GRM7: variants seen among roughly 807,000 people sequenced by gnomAD.
GRM7 encodes glutamate metabotropic receptor 7.
A neutral mutation model predicts 84.5 loss-of-function variants in GRM7; 35 were observed. The observed-to-expected ratio is 0.41, with a 90% CI of 0.32 to 0.55. The LOEUF (loss-of-function observed/expected upper bound fraction) is 0.55. Among genes scored for constraint, GRM7 ranks in the 20% least tolerant of loss-of-function variants. GRM7 has a pLI of 0.19. For synonymous variants in GRM7, 487 were observed against 455.1 expected (o/e 1.07, Z -0.89); for missense variants, 1,003 against 1,194.6 (o/e 0.84, Z 2.36).
At chr3:7,370,572 GT>G (rs113215903) in intron 4 of GRM7, among the ~76,000 whole-genome samples, 29,181 of 151,888 alleles carry the variant, frequency 0.19, 3,424 homozygotes, top group African/African-American at 0.34. Context: ...ACTCATGAAG[GT>G]TCAGGTATAT....
intron 2 of GRM7, among the ~76,000 whole-genome samples, chr3:7,248,282 C>G (rs1285090224): frequency 6.6e-6 from 1 of 152,108 alleles, no homozygotes; most frequent in Non-Finnish European, 1.5e-5. Flanking sequence ...TACTACTCAA[C>G]AGTAGAAAGG....
intron 2 of GRM7, among the ~76,000 whole-genome samples, chr3:7,260,276 G>C (rs1698372287): frequency 6.6e-6 from 1 of 151,974 alleles, no homozygotes; most frequent in Non-Finnish European, 1.5e-5. Flanking sequence ...CTGTGTAGAA[G>C]TTATTTCATT....
chr3:7,360,011 TAGAG>T (rs1387351755), intron 4 of GRM7, among the ~76,000 whole-genome samples: 1 of 148,188 alleles, frequency 6.7e-6, no homozygotes, highest in Non-Finnish European at 1.5e-5. Flanking sequence ...TTGCTATTGA[TAGAG>T]AAATGTTTTA....
chr3:7,644,728 T>G (rs1052140013), intron 8 of GRM7, among the ~76,000 whole-genome samples: 1 of 152,176 alleles, frequency 6.6e-6, no homozygotes, highest in East Asian at 1.9e-4. Flanking sequence ...TTATCTGGAT[T>G]TTTCCATATA....
At chr3:6,971,875 A>T (rs1693772066) in intron 1 of GRM7, among the ~76,000 whole-genome samples, 2 of 152,216 alleles carry the variant, frequency 1.3e-5, no homozygotes, top group Non-Finnish European at 2.9e-5. Context: ...TTTTATTAAA[A>T]CTAAAAGTAA....
chr3:7,595,699 G>T (rs1696006135), intron 8 of GRM7, among the ~76,000 whole-genome samples: 2 of 152,026 alleles, frequency 1.3e-5, no homozygotes, highest in Admixed American at 1.3e-4. Flanking sequence ...TATAACTGGG[G>T]GTGGGGGTAG....
chr3:7,099,678 TGTGCAC>T, intron 1 of GRM7, among the ~76,000 whole-genome samples: 2 of 100,898 alleles, frequency 2.0e-5, no homozygotes, highest in African/African-American at 6.3e-5. Context: ...GCATTATACA[TGTGCAC>T]ATATATGTAT....
At chr3:7,119,534 A>G (rs1379685478) in intron 1 of GRM7, among the ~76,000 whole-genome samples, 1 of 152,166 alleles carries the variant, frequency 6.6e-6, no homozygotes, top group East Asian at 1.9e-4. Context: ...TCTCAAATAC[A>G]TTACTCGACA....
At chr3:6,882,719 CT>C (rs917249528) in intron 1 of GRM7, among the ~76,000 whole-genome samples, 17 of 151,968 alleles carry the variant, frequency 1.1e-4, no homozygotes, top group Non-Finnish European at 1.5e-5. Context: ...TGTTTTGTAT[CT>C]TTTTTGCTTA....
At chr3:7,449,961 A>T (rs2124887178) in intron 5 of GRM7, among the ~76,000 whole-genome samples, 1 of 152,270 alleles carries the variant, frequency 6.6e-6, no homozygotes, top group Non-Finnish European at 1.5e-5. Flanking sequence ...AATGCATTTT[A>T]TTAGAAAGAA....
chr3:7,400,098 G>T (rs868289002), intron 4 of GRM7, among the ~76,000 whole-genome samples: 2 of 152,238 alleles, frequency 1.3e-5, no homozygotes, highest in Middle Eastern at 3.4e-3. Context: ...ACATTGAATT[G>T]TTAAGAATAT....
chr3:7,086,874 G>C (rs73115021), intron 1 of GRM7, among the ~76,000 whole-genome samples: 2,435 of 152,302 alleles, frequency 0.016, 54 homozygotes, highest in African/African-American at 0.056. Context: ...GTCACTCTCT[G>C]GCTGTTGGCT....
intron 4 of GRM7, among the ~76,000 whole-genome samples, chr3:7,412,585 A>G (rs1405899367): frequency 6.6e-6 from 1 of 152,152 alleles, no homozygotes; most frequent in East Asian, 1.9e-4. Context: ...TAAAAGAGGA[A>G]AGAACCAGAT....
At chr3:7,208,970 T>A (rs1251091072) in intron 2 of GRM7, among the ~76,000 whole-genome samples, 1 of 152,312 alleles carries the variant, frequency 6.6e-6, no homozygotes, top group East Asian at 1.9e-4. Flanking sequence ...TGGGATTATG[T>A]CCTGATAAAA....
intron 2 of GRM7, among the ~76,000 whole-genome samples, chr3:7,169,294 G>A (rs897879816): frequency 3.3e-5 from 5 of 152,084 alleles, no homozygotes; most frequent in African/African-American, 1.2e-4. Context: ...CCATTTTGTA[G>A]AAATACCATT....
intron 1 of GRM7, among the ~76,000 whole-genome samples, chr3:7,125,842 T>G (rs1693381015): frequency 6.6e-6 from 1 of 152,212 alleles, no homozygotes; most frequent in Non-Finnish European, 1.5e-5. Context: ...TGCAACTGCT[T>G]TTCTTCTCAG....
chr3:7,567,930 G>T (rs1054160235), intron 7 of GRM7, among the ~76,000 whole-genome samples: 6 of 152,062 alleles, frequency 3.9e-5, no homozygotes, highest in Admixed American at 2.6e-4. Context: ...CATGACAGCA[G>T]TCAGCATTTT....
At chr3:7,649,149 T>G (rs772890815) in intron 8 of GRM7, among the ~76,000 whole-genome samples, 1 of 151,948 alleles carries the variant, frequency 6.6e-6, no homozygotes, top group Admixed American at 6.6e-5. Flanking sequence ...GGCTCACTGC[T>G]AGCTCCGCCT....
chr3:7,276,070 T>C (rs1170692404), intron 2 of GRM7, among the ~76,000 whole-genome samples: 1 of 152,142 alleles, frequency 6.6e-6, no homozygotes, highest in East Asian at 1.9e-4. Context: ...CTTACTTCTT[T>C]ATGGATCTAA....
Sources: gnomAD v4.1 joint callset for allele counts (sites outside exome capture counted in the v4.1 genomes callset) on GRCh38, gnomAD v4.1.1 for gene constraint, MANE v1.5 for transcripts, NCBI Gene and HGNC (gene_info 2026-07-23, HGNC 2026-07-21) for gene names.